The following ANKRD29 variants were observed in gnomAD, a reference collection of about 807,000 sequenced individuals.
ANKRD29 encodes ankyrin repeat domain-containing protein 29.
ANKRD29 carries 32 observed loss-of-function variants against 38.0 expected under a neutral mutation model. The ratio of observed to expected loss-of-function variants is 0.84; its 90% CI spans 0.64 to 1.13. The LOEUF is 1.13. ANKRD29 is among the 50% of genes most tolerant of loss of function. The probability of loss-of-function intolerance (pLI) is 0.00; values close to 1 mark genes in which losing one functional copy is unlikely to be tolerated. For synonymous variants in ANKRD29, 135 were observed against 152.4 expected (o/e 0.89, Z 0.84); for missense variants, 357 against 377.9 (o/e 0.94, Z 0.46).
At chr18:23,655,302 C>T (rs563953223) in intron 1 of ANKRD29, among the ~76,000 whole-genome samples, 1 of 151,948 alleles carries the variant, frequency 6.6e-6, no homozygotes, top group Non-Finnish European at 1.5e-5. Context: ...TTAGGCGCAA[C>T]GATTAACCAG....
chr18:23,657,532 C>T (rs1232087713), intron 1 of ANKRD29, among the ~76,000 whole-genome samples: 6 of 152,194 alleles, frequency 3.9e-5, no homozygotes, highest in Non-Finnish European at 1.5e-5. Flanking sequence ...TAAGGTTGCA[C>T]AACCATCACC....
At chr18:23,662,626 C>CAG in intron 1 of ANKRD29, 84 bp downstream of exon 1, 3 of 398,934 alleles carry the variant, frequency 7.5e-6, no homozygotes, top group Non-Finnish European at 1.3e-5. Context: ...CACCCCATCC[C>CAG]ACCCCATCCC....
In ANKRD29 at chr18:23,662,811, C is replaced by T; in HGVS notation, c.-81G>A. ...TCCCCGGCCCTTCACTCTCCCGGGGCTCTCGGCGTTCCGCAGAGGGGCGGC... is the reference window on the plus strand; with the variant it reads ...TCCCCGGCCCTTCACTCTCCCGGGGTTCTCGGCGTTCCGCAGAGGGGCGGC... On this transcript the variant is annotated 5_prime_UTR_variant, in exon 1 of 10. Transcript: ENST00000592179. 8.0e-7 allele frequency: 1 copy of T among 1,243,000 alleles called. No individual in the cohort carries two copies. Among genetic ancestry groups the T allele is most frequent in the Non-Finnish European group, 1.0e-6 (1 of 986,512 alleles). The allele number at this position is 1,243,000 out of a possible 1,614,324, so 77.0% of individuals were successfully genotyped here.
intron 6 of ANKRD29, among the ~76,000 whole-genome samples, chr18:23,625,334 G>A (rs1244678671): frequency 6.6e-6 from 1 of 152,150 alleles, no homozygotes; most frequent in Non-Finnish European, 1.5e-5. Context: ...ACTGAGGATA[G>A]GCAGGCCAGC....
chr18:23,635,748 T>A (rs2059994537), intron 4 of ANKRD29, among the ~76,000 whole-genome samples: 1 of 152,146 alleles, frequency 6.6e-6, no homozygotes. Context: ...ACCAGTCATG[T>A]GGGTTGATTG....
chr18:23,660,422 T>C (rs572377007), intron 1 of ANKRD29, among the ~76,000 whole-genome samples: 4 of 152,360 alleles, frequency 2.6e-5, no homozygotes, highest in South Asian at 4.1e-4. Flanking sequence ...GAAGTGCCTA[T>C]CATCATTTAA....
chr18:23,624,405 T>C (rs1172768837), intron 6 of ANKRD29, among the ~76,000 whole-genome samples: 2 of 133,492 alleles, frequency 1.5e-5, no homozygotes, highest in African/African-American at 5.7e-5. Flanking sequence ...AGGCAGATGT[T>C]GCAGTGAGCC....
At chr18:23,645,696 A>G (rs1395389701) in intron 3 of ANKRD29, among the ~76,000 whole-genome samples, 1 of 152,238 alleles carries the variant, frequency 6.6e-6, no homozygotes, top group African/African-American at 2.4e-5. Flanking sequence ...ATTTTTGTCC[A>G]GTGTTGACCC....
At chr18:23,646,664 A>T (rs937301822) in intron 2 of ANKRD29, 1 of 163,006 alleles carries the variant, frequency 6.1e-6, no homozygotes, top group African/African-American at 2.4e-5. Context: ...AAATGGTACC[A>T]TCTGATTTTC....
Position 23,600,993 on chromosome 18 carries a change from A to T in ANKRD29, c.*233T>A. The T allele has an allele frequency of 2.6e-6, 1 of 384,476 alleles. No individual in the cohort carries two copies. The highest frequency in any genetic ancestry group is 4.9e-5 in the South Asian group (1 of 20,210). The allele number at this position is 384,476 out of a possible 1,614,324, so 23.8% of individuals were successfully genotyped here. ...GTGAACATGCCAGGCCCCCCGGGAG[A>T]TGAGTTACAGGACACCATGAGAAGT... On this transcript the variant is annotated 3_prime_UTR_variant, in exon 10 of 10. Transcript: ENST00000592179.
At chr18:23,626,555 A>C (rs945454404) in intron 6 of ANKRD29, among the ~76,000 whole-genome samples, 1 of 152,252 alleles carries the variant, frequency 6.6e-6, no homozygotes. Context: ...AGTGAAATCT[A>C]TATTTCAATG....
intron 6 of ANKRD29, among the ~76,000 whole-genome samples, chr18:23,623,130 AT>A (rs2059816767): frequency 6.6e-6 from 1 of 152,214 alleles, no homozygotes; most frequent in Non-Finnish European, 1.5e-5. Context: ...TCTGAGTAGT[AT>A]TTATCATGAG....
intron 3 of ANKRD29, among the ~76,000 whole-genome samples, chr18:23,640,515 C>A (rs879391060): frequency 1.3e-5 from 2 of 152,194 alleles, no homozygotes; most frequent in Admixed American, 6.5e-5. Context: ...CACCCACAAA[C>A]TTCTCCAATT....
intron 5 of ANKRD29, among the ~76,000 whole-genome samples, chr18:23,631,242 C>T (rs1369106534): frequency 7.2e-6 from 1 of 139,068 alleles, no homozygotes; most frequent in Non-Finnish European, 1.6e-5. Flanking sequence ...TCTCTCTCTT[C>T]TTTTTTTTTT....
At chr18:23,642,140 A>G (rs1372351748) in intron 3 of ANKRD29, among the ~76,000 whole-genome samples, 1 of 152,000 alleles carries the variant, frequency 6.6e-6, no homozygotes, top group Admixed American at 6.5e-5. Context: ...TGCATACCTC[A>G]TTCTTCTTGG....
rs1035155670 is a variant in ANKRD29, at chr18:23,617,499, A to AT, written c.723+232dup. 5.7e-3 allele frequency among the ~76,000 whole-genome samples: 845 copies of AT among 147,122 alleles called. 7 individuals carry two copies. The highest frequency in any genetic ancestry group is 0.01 in the Admixed American group (152 of 14,702). ...ATTAGCTATTTCATTACTACTGTCG[A>AT]TTTTTTTTTTTCTGCAAAACTAGGT... On this transcript the variant is annotated intron_variant, in intron 8 of 9. Transcript: ENST00000592179.
At chr18:23,637,117 G>C (rs1176417434) in intron 4 of ANKRD29, among the ~76,000 whole-genome samples, 1 of 152,180 alleles carries the variant, frequency 6.6e-6, no homozygotes, top group Non-Finnish European at 1.5e-5. Flanking sequence ...CTTTAAGCCA[G>C]TATTCACTCG....
intron 1 of ANKRD29, among the ~76,000 whole-genome samples, chr18:23,654,618 CAAAAAAAAAAAA>C (rs1167970950): frequency 4.0e-5 from 2 of 50,382 alleles, no homozygotes; most frequent in African/African-American, 6.3e-5. Flanking sequence ...GACTCTGTCT[CAAAAAAAAAAAA>C]AAAAAAAAAA....
intron 8 of ANKRD29, among the ~76,000 whole-genome samples, chr18:23,615,853 T>C (rs1041579620): frequency 1.3e-5 from 2 of 149,204 alleles, no homozygotes; most frequent in African/African-American, 4.9e-5. Context: ...TAAATATTAC[T>C]AGACATAAAT....
Sources: allele counts gnomAD v4.1 joint callset (sites outside exome capture counted in the v4.1 genomes callset), GRCh38; gene constraint gnomAD v4.1.1; transcripts MANE v1.5; gene names NCBI Gene and HGNC (gene_info 2026-07-23, HGNC 2026-07-21).